GRM5: variants seen among roughly 807,000 people sequenced by gnomAD.
The protein encoded by GRM5 is metabotropic glutamate receptor 5.
Under a neutral mutation model 83.1 loss-of-function variants are expected in GRM5, and 19 were observed. The observed-to-expected ratio is 0.23, with a 90% CI of 0.16 to 0.34. The LOEUF (loss-of-function observed/expected upper bound fraction) is 0.34. GRM5 is among the 10% of genes least tolerant of loss of function. GRM5 has a pLI of 1.00. For missense variants in GRM5, 1,160 were observed against 1,588.3 expected, an observed-to-expected ratio of 0.73 and a Z score of 4.58; for synonymous variants, 675 against 633.6, an observed-to-expected ratio of 1.07 and a Z score of -0.98.
chr11:88,515,469 T>G (rs947721446), intron 9 of GRM5, among the ~76,000 whole-genome samples: 4 of 152,172 alleles, frequency 2.6e-5, no homozygotes, highest in Admixed American at 6.5e-5. Flanking sequence ...ATTTTGAATG[T>G]TCACAACACA....
At chr11:88,885,962 G>A (rs1258889415) in intron 2 of GRM5, among the ~76,000 whole-genome samples, 1 of 152,124 alleles carries the variant, frequency 6.6e-6, no homozygotes, top group African/African-American at 2.4e-5. Context: ...ACGAGATGGT[G>A]CCGATCAACT....
chr11:88,749,849 A>G (rs1942226791), intron 3 of GRM5, among the ~76,000 whole-genome samples: 1 of 152,150 alleles, frequency 6.6e-6, no homozygotes, highest in Non-Finnish European at 1.5e-5. Context: ...ACTAAACTTT[A>G]TAAGTAAGGA....
chr11:88,790,618 A>G (rs1943156318), intron 3 of GRM5, among the ~76,000 whole-genome samples: 1 of 152,190 alleles, frequency 6.6e-6, no homozygotes, highest in Non-Finnish European at 1.5e-5. Context: ...TGACAGATAG[A>G]TCAACTCTCA....
chr11:88,716,956 G>A (rs899998277), intron 3 of GRM5, among the ~76,000 whole-genome samples: 2 of 151,914 alleles, frequency 1.3e-5, no homozygotes, highest in African/African-American at 4.8e-5. Flanking sequence ...CTTTAGTTCA[G>A]GTGTGGCTAA....
chr11:88,993,301 A>T (rs1374266418), intron 2 of GRM5, among the ~76,000 whole-genome samples: 3 of 147,894 alleles, frequency 2.0e-5, no homozygotes, highest in South Asian at 2.1e-4. Flanking sequence ...GTCCAGTTTC[A>T]TTCTTTTATA....
chr11:88,972,896 A>C (rs1375262848), intron 2 of GRM5, among the ~76,000 whole-genome samples: 3 of 152,202 alleles, frequency 2.0e-5, no homozygotes, highest in African/African-American at 4.8e-5. Context: ...AGAGCTCAGC[A>C]TCACTTCTGT....
At chr11:88,858,643 G>A (rs1944512036) in intron 2 of GRM5, among the ~76,000 whole-genome samples, 1 of 151,878 alleles carries the variant, frequency 6.6e-6, no homozygotes. Context: ...TATTTGGTTT[G>A]GTAGATTCCT....
At chr11:88,848,941 T>C (rs572908775) in intron 3 of GRM5, among the ~76,000 whole-genome samples, 6 of 152,322 alleles carry the variant, frequency 3.9e-5, no homozygotes, top group Non-Finnish European at 5.9e-5. Flanking sequence ...TAGCATGAGA[T>C]GGACATCGGT....
At chr11:88,983,770 C>A (rs1394570951) in intron 2 of GRM5, among the ~76,000 whole-genome samples, 2 of 151,854 alleles carry the variant, frequency 1.3e-5, no homozygotes, top group Non-Finnish European at 2.9e-5. Context: ...AGGACGTATT[C>A]CAGAATAAGG....
In GRM5 at chr11:88,597,334, G is replaced by A. The variant is rs199835884; in HGVS notation, c.1413C>T (p.Phe471=). 36 of 1,513,000 alleles carry A rather than the reference G, an allele frequency of 2.4e-5. No individual in the cohort carries two copies. The highest frequency in any genetic ancestry group is 3.1e-5 in the Non-Finnish European group (34 of 1,093,840). 93.7% of individuals were successfully genotyped at this position (1,513,000 alleles called of 1,614,324 possible). A position where few individuals can be genotyped will look rare whatever the true frequency, so the allele number is the denominator to read the frequency against. The part of the protein sequence containing the change: ...DSPGRYEIMN[F]KEMGKDYFDY... Reference sequence around the variant, plus strand: ...CAAAGTAATCTTTTCCCATTTCCTTGAAATTCATTATTTCATACCTTAGGA... The same window carrying A: ...CAAAGTAATCTTTTCCCATTTCCTTAAAATTCATTATTTCATACCTTAGGA... Residue 471 remains phenylalanine (F), a synonymous_variant, in exon 6 of 10, where the codon TTC becomes TTT. Coordinates refer to ENST00000305447, the MANE Select transcript of GRM5 (RefSeq NM_001143831.3).
Position 88,996,992 on chromosome 11 carries a change from C to T in GRM5, c.661+50220G>A, listed in dbSNP as rs1940204410. Among the ~76,000 whole-genome samples, 3 of 152,090 alleles carry T rather than the reference C, an allele frequency of 2.0e-5. No homozygotes were observed. In the South Asian group the frequency reaches 6.2e-4, roughly 32 times the overall value. On this transcript the variant is annotated intron_variant, in intron 2 of 9. Coordinates refer to ENST00000305447, the MANE Select transcript of GRM5 (RefSeq NM_001143831.3). ...TTTGTGGAACACAGCTAACACAGTG[C>T]TGAGAAATGAATAGCATTAAATGAT...
chr11:88,716,329 C>T (rs1393362780), intron 3 of GRM5, among the ~76,000 whole-genome samples: 1 of 151,738 alleles, frequency 6.6e-6, no homozygotes, highest in Non-Finnish European at 1.5e-5. Flanking sequence ...AGTGAACTGT[C>T]AGTGAATTTT....
chr11:88,718,031 T>A (rs1565199449), intron 3 of GRM5, among the ~76,000 whole-genome samples: 2 of 151,860 alleles, frequency 1.3e-5, no homozygotes, highest in African/African-American at 4.8e-5. Flanking sequence ...GACAGGCTCA[T>A]CATAGAAAAT....
intron 3 of GRM5, among the ~76,000 whole-genome samples, chr11:88,712,696 CG>C (rs1941309805): frequency 6.6e-6 from 1 of 151,886 alleles, no homozygotes; most frequent in Non-Finnish European, 1.5e-5. Context: ...TCAGGAGACA[CG>C]GGCCATGTCA....
At chr11:88,753,910 T>G (rs1483476485) in intron 3 of GRM5, among the ~76,000 whole-genome samples, 1 of 152,082 alleles carries the variant, frequency 6.6e-6, no homozygotes, top group East Asian at 1.9e-4. Context: ...AAACTCCCGT[T>G]TTTAAAAACA....
At chr11:88,754,613 T>A (rs1272211430) in intron 3 of GRM5, among the ~76,000 whole-genome samples, 1 of 152,178 alleles carries the variant, frequency 6.6e-6, no homozygotes, top group Non-Finnish European at 1.5e-5. Context: ...CTCCCAGATG[T>A]ATCCTTATCA....
intron 2 of GRM5, among the ~76,000 whole-genome samples, chr11:88,950,529 GA>G (rs1279998921): frequency 6.6e-6 from 1 of 151,878 alleles, no homozygotes; most frequent in African/African-American, 2.4e-5. Context: ...AAAAAAAACA[GA>G]ACTAGAAATA....
In GRM5 at chr11:88,876,548, C is replaced by T. The variant is rs559837371; in HGVS notation, c.662-26393G>A. Reference sequence around the variant, plus strand: ...GACTAAGTGGCACAAAAGGCCTAGACTGGTTAGTGTATCGGGGCTTTTGAC... The same window carrying T: ...GACTAAGTGGCACAAAAGGCCTAGATTGGTTAGTGTATCGGGGCTTTTGAC... On this transcript the variant is annotated intron_variant, in intron 2 of 9. Coordinates refer to ENST00000305447, the MANE Select transcript of GRM5 (RefSeq NM_001143831.3). Among the ~76,000 whole-genome samples, 6 of 152,174 alleles carry T rather than the reference C, an allele frequency of 3.9e-5. No homozygotes were observed. In the South Asian group the frequency reaches 1.0e-3, roughly 26 times the overall value.
chr11:88,818,747 TCA>T (rs1401758220), intron 3 of GRM5, among the ~76,000 whole-genome samples: 1 of 152,108 alleles, frequency 6.6e-6, no homozygotes, highest in Non-Finnish European at 1.5e-5. Flanking sequence ...TGTCTCTAAA[TCA>T]CAGTTTATAT....
Sources: gnomAD v4.1 joint callset for allele counts (sites outside exome capture counted in the v4.1 genomes callset) on GRCh38, gnomAD v4.1.1 for gene constraint, MANE v1.5 for transcripts, NCBI Gene and HGNC (gene_info 2026-07-23, HGNC 2026-07-21) for gene names.